Variants in POU3F3 observed in about 807,000 individuals in gnomAD.
POU3F3 encodes the protein POU domain, class 3, transcription factor 3.
POU3F3 carries 1 observed loss-of-function variant against 8.6 expected under a neutral mutation model. The ratio of observed to expected loss-of-function variants is 0.12; its 90% CI spans 0.04 to 0.55. The LOEUF (loss-of-function observed/expected upper bound fraction) is 0.55. Among genes scored for constraint, POU3F3 ranks in the 20% least tolerant of loss-of-function variants. The pLI is 0.91. For missense variants in POU3F3, 577 were observed against 690.7 expected (o/e 0.84, Z 1.84); for synonymous variants, 418 against 327.4 (o/e 1.28, Z -2.99).
the POU3F3 span, among the ~76,000 whole-genome samples, chr2:104,918,739 T>A: frequency 1.4e-4 from 21 of 152,034 alleles, no homozygotes; most frequent in Non-Finnish European, 2.1e-4. Flanking sequence ...AACTGGGAGA[T>A]GACACTAAGC....
the POU3F3 span, among the ~76,000 whole-genome samples, chr2:104,879,807 C>A: frequency 2.6e-5 from 4 of 152,168 alleles, no homozygotes; most frequent in Non-Finnish European, 4.4e-5. Flanking sequence ...GTTGCAGAAA[C>A]CAAGTCACAG....
At chr2:104,883,980 C>T in the POU3F3 span, among the ~76,000 whole-genome samples, 1 of 152,166 alleles carries the variant, frequency 6.6e-6, no homozygotes, top group East Asian at 1.9e-4. Flanking sequence ...TTCTGCAACT[C>T]TCACTTCCCT....
the POU3F3 span, among the ~76,000 whole-genome samples, chr2:104,912,311 C>T: frequency 3.9e-5 from 6 of 152,330 alleles, no homozygotes; most frequent in African/African-American, 1.4e-4. Context: ...TCCATCGTAG[C>T]TGAGATCACT....
At chr2:104,864,999 G>A in the POU3F3 span, among the ~76,000 whole-genome samples, 3 of 152,296 alleles carry the variant, frequency 2.0e-5, no homozygotes, top group African/African-American at 7.2e-5. Flanking sequence ...AGCTGGATGG[G>A]AATCTACCAA....
At position 104,855,498 on chromosome 2, in the gene POU3F3, G is replaced by A; in HGVS notation, c.-13G>A. On this transcript the variant is annotated 5_prime_UTR_variant, in exon 1 of 1. Coordinates refer to ENST00000361360, the MANE Select transcript of POU3F3 (RefSeq NM_006236.3). ...CGGTGGTGGCGGCGGTGGGGTGGCGGGAGCGGAGCGGCATGGCCACGGCGG... is the reference window on the plus strand; with the variant it reads ...CGGTGGTGGCGGCGGTGGGGTGGCGAGAGCGGAGCGGCATGGCCACGGCGG... 7 of 989,066 alleles carry A rather than the reference G, an allele frequency of 7.1e-6. No individual in the cohort carries two copies. Among genetic ancestry groups the A allele is most frequent in the Non-Finnish European group, 8.4e-6 (7 of 832,270 alleles). 61.3% of individuals were successfully genotyped at this position (989,066 alleles called of 1,614,324 possible). A position where few individuals can be genotyped will look rare whatever the true frequency, so the allele number is the denominator to read the frequency against.
At chr2:104,926,745 A>G in the POU3F3 span, among the ~76,000 whole-genome samples, 1 of 152,336 alleles carries the variant, frequency 6.6e-6, no homozygotes, top group African/African-American at 2.4e-5. Flanking sequence ...GCACATATAT[A>G]CCATCGAATA....
At chr2:104,905,020 G>T in the POU3F3 span, among the ~76,000 whole-genome samples, 556 of 152,242 alleles carry the variant, frequency 3.7e-3, 3 homozygotes, top group African/African-American at 0.013. Flanking sequence ...AACCCCATGG[G>T]TATTTAACCA....
At chr2:104,885,828 G>A in the POU3F3 span, among the ~76,000 whole-genome samples, 10 of 150,798 alleles carry the variant, frequency 6.6e-5, no homozygotes, top group African/African-American at 2.4e-4. Context: ...ACAAAGTCTC[G>A]CTGTTGTCCC....
chr2:104,913,709 T>C, the POU3F3 span, among the ~76,000 whole-genome samples: 1 of 152,218 alleles, frequency 6.6e-6, no homozygotes, highest in South Asian at 2.1e-4. Flanking sequence ...ACCTTTTCAC[T>C]GAAGTATAAC....
chr2:104,896,557 C>A, the POU3F3 span, among the ~76,000 whole-genome samples: 1 of 152,252 alleles, frequency 6.6e-6, no homozygotes, highest in Non-Finnish European at 1.5e-5. Flanking sequence ...TTTTTAAAAT[C>A]CCCTCTCAAC....
Position 104,856,035 on chromosome 2 carries a change from G to T in POU3F3, c.525G>T (p.Pro175=). The change falls in exon 1 of 1, where the codon CCG becomes CCT. Residue 175 remains proline, a synonymous_variant. Transcript: ENST00000361360. Reference sequence around the variant, plus strand: ...GCGGGCCGCCGCACCTCGGACCCCCGCCGCCGCCCCCACACCAGGGCCACC... The same window carrying T: ...GCGGGCCGCCGCACCTCGGACCCCCTCCGCCGCCCCCACACCAGGGCCACC... ...HHRGPPHLGP[P]PPPPHQGHPG... 1.0e-6 allele frequency: 1 copy of T among 983,218 alleles called. No individual in the cohort carries two copies. The highest frequency in any genetic ancestry group is 6.4e-5 in the Admixed American group (1 of 15,572). The allele number at this position is 983,218 out of a possible 1,614,324, so 60.9% of individuals were successfully genotyped here. A position where few individuals can be genotyped will look rare whatever the true frequency, so the allele number is the denominator to read the frequency against.
the POU3F3 span, chr2:104,872,205 G>T: frequency 2.2e-6 from 1 of 455,956 alleles, no homozygotes; most frequent in Non-Finnish European, 4.4e-6. The surrounding 1 kb of genome is among the most constrained non-coding windows in gnomAD (Gnocchi z 4.6). Flanking sequence ...CCTCTCCTCA[G>T]CCCTGCTCCT....
chr2:104,892,734 GAA>G, the POU3F3 span, among the ~76,000 whole-genome samples: 2 of 151,370 alleles, frequency 1.3e-5, no homozygotes, highest in Admixed American at 1.3e-4. Flanking sequence ...GAGAGAGAGA[GAA>G]AGAGAGAGGG....
downstream of POU3F3, among the ~76,000 whole-genome samples, chr2:104,860,121 G>T (rs1302630671): frequency 6.6e-6 from 1 of 152,194 alleles, no homozygotes; most frequent in African/African-American, 2.4e-5. Context: ...GACAACAAAA[G>T]AGCTAACATT....
the POU3F3 span, among the ~76,000 whole-genome samples, chr2:104,927,603 T>G: frequency 6.6e-6 from 1 of 151,616 alleles, no homozygotes; most frequent in Admixed American, 6.6e-5. Flanking sequence ...AAAATTTTTT[T>G]AAAATTAGTC....
At chr2:104,920,804 A>G in the POU3F3 span, among the ~76,000 whole-genome samples, 1 of 152,204 alleles carries the variant, frequency 6.6e-6, no homozygotes, top group Non-Finnish European at 1.5e-5. Context: ...TCTCACTTAT[A>G]TAACTGTCCA....
Position 104,855,681 on chromosome 2 carries a change from C to T in POU3F3, c.171C>T (p.Ala57=), listed in dbSNP as rs1462937459. 1.5e-5 allele frequency: 18 copies of T among 1,165,948 alleles called. No individual in the cohort carries two copies. Among genetic ancestry groups the T allele is most frequent in the Non-Finnish European group, 1.9e-5 (18 of 930,556 alleles). The allele number at this position is 1,165,948 out of a possible 1,614,324, so 72.2% of individuals were successfully genotyped here. The change falls in exon 1 of 1, where the codon GCC becomes GCT. Residue 57 remains alanine (A), a synonymous_variant. Transcript: ENST00000361360. ...GGGGMQPGSA[A]VTSGAYRGDP... ...GCGGCATGCAGCCGGGCAGCGCCGC[C>T]GTGACCTCGGGCGCCTACCGGGGGG...
At chr2:104,904,796 A>C in the POU3F3 span, among the ~76,000 whole-genome samples, 2 of 152,102 alleles carry the variant, frequency 1.3e-5, no homozygotes, top group South Asian at 2.1e-4. Context: ...CTAAGACTGA[A>C]GCTCTTAAGG....
chr2:104,912,281 A>G, the POU3F3 span, among the ~76,000 whole-genome samples: 4 of 152,150 alleles, frequency 2.6e-5, no homozygotes, highest in African/African-American at 9.7e-5. Context: ...GGAAGGAGGG[A>G]GTTTGGGGCT....
Sources: allele counts gnomAD v4.1 joint callset (sites outside exome capture counted in the v4.1 genomes callset), GRCh38; gene constraint gnomAD v4.1.1; non-coding constraint Gnocchi (gnomAD v3.1); transcripts MANE v1.5; gene names NCBI Gene and HGNC (gene_info 2026-07-23, HGNC 2026-07-21).